TRRAP: variants seen among roughly 807,000 people sequenced by gnomAD.
The protein encoded by TRRAP is transformation/transcription domain associated protein.
Under a neutral mutation model 438.8 loss-of-function variants are expected in TRRAP, and 41 were observed. The ratio of observed to expected loss-of-function variants is 0.09; its 90% confidence interval spans 0.07 to 0.12. The LOEUF (loss-of-function observed/expected upper bound fraction) is 0.12, where lower values mean the gene tolerates loss of function less well. Ranked by LOEUF, TRRAP falls within the 10% of genes least tolerant of loss-of-function variation. TRRAP has a pLI of 1.00. For synonymous variants in TRRAP, 1,994 were observed against 1,962.9 expected, an observed-to-expected ratio of 1.02 and a Z score of -0.42; for missense variants, 3,122 against 5,055.1, an observed-to-expected ratio of 0.62 and a Z score of 11.60.
At chr7:98,930,328 G>T in intron 24 of TRRAP, 122 bp downstream of exon 24, 2 of 1,279,442 alleles carry the variant, frequency 1.6e-6, no homozygotes, top group Non-Finnish European at 2.1e-6. Flanking sequence ...TGTAATCCCA[G>T]CACTTTGAGA....
At chr7:99,000,762 C>G (rs999244201) in intron 67 of TRRAP, among the ~76,000 whole-genome samples, 1 of 152,194 alleles carries the variant, frequency 6.6e-6, no homozygotes, top group Non-Finnish European at 1.5e-5. Flanking sequence ...ACACCTTTCC[C>G]TTCCTCATCA....
At chr7:98,997,118 C>T (rs1167578839) in intron 67 of TRRAP, among the ~76,000 whole-genome samples, 3 of 151,814 alleles carry the variant, frequency 2.0e-5, no homozygotes, top group Non-Finnish European at 4.4e-5. Flanking sequence ...CCAGCCTGAC[C>T]AACATGGTGA....
chr7:98,892,643 T>A, intron 5 of TRRAP, 115 bp downstream of exon 5: 2 of 866,804 alleles, frequency 2.3e-6, no homozygotes, highest in Non-Finnish European at 3.5e-6. Context: ...AAATTCCAAG[T>A]CACATGAGTA....
chr7:98,981,562 G>A (rs1011957238), intron 58 of TRRAP, among the ~76,000 whole-genome samples: 2 of 152,150 alleles, frequency 1.3e-5, no homozygotes, highest in Non-Finnish European at 2.9e-5. Context: ...GAGATTGGCC[G>A]CTCACTGGAA....
chr7:98,957,597 C>T (rs575448116), intron 43 of TRRAP, among the ~76,000 whole-genome samples: 1 of 152,330 alleles, frequency 6.6e-6, no homozygotes, highest in South Asian at 2.1e-4. Flanking sequence ...CATCCCTCTG[C>T]TCTCAATGCA....
rs1267428319 is a variant in TRRAP, at chr7:98,933,258, C to T, written c.3870C>T (p.Val1290=). ...EPHKEVLQDM[V]PPKKHLLRHQ... is the part of the protein sequence containing the mutation. ...TTCCCCAGGTCCTGCAGGATATGGT[C>T]CCCCCTAAGAAGCACCTGCTCCGAC... Residue 1290 remains valine, a synonymous_variant, in exon 27 of 73, where the codon GTC becomes GTT. Coordinates refer to ENST00000456197, the MANE Select transcript of TRRAP (RefSeq NM_001375524.1). 1.2e-6 allele frequency: 2 copies of T among 1,612,924 alleles called. No homozygotes were observed. The highest frequency in any genetic ancestry group is 1.7e-6 in the Non-Finnish European group (2 of 1,179,594).
At position 98,970,299 on chromosome 7, in the gene TRRAP, C is replaced by T; in HGVS notation, c.7692+8C>T. The T allele has an allele frequency of 6.2e-7, 1 of 1,610,404 alleles. No homozygotes were observed. Reference sequence around the variant, plus strand: ...AGCGAGTCCAAAGAGGAGGTGAGGCCCTGCACCCCACAGGCAGAATCCCAG... The same window carrying T: ...AGCGAGTCCAAAGAGGAGGTGAGGCTCTGCACCCCACAGGCAGAATCCCAG... On this transcript the variant is annotated splice_region_variant and intron_variant, in intron 52 of 72. Coordinates refer to ENST00000456197, the MANE Select transcript of TRRAP (RefSeq NM_001375524.1).
chr7:98,885,857 A>C (rs1369827981), intron 3 of TRRAP, among the ~76,000 whole-genome samples: 5 of 152,234 alleles, frequency 3.3e-5, no homozygotes, highest in Non-Finnish European at 7.3e-5. Flanking sequence ...ACATACGGCT[A>C]TCTGGATTAA....
At chr7:98,952,799 G>C (rs868918472) in intron 39 of TRRAP, among the ~76,000 whole-genome samples, 15 of 152,122 alleles carry the variant, frequency 9.9e-5, no homozygotes, top group African/African-American at 2.2e-4. Flanking sequence ...AGCACTTTAC[G>C]TAAGATAAGG....
rs1562959030 is a variant in TRRAP at position 98,956,240 on chromosome 7, G to A, written c.6032G>A (p.Arg2011Gln). 6.2e-7 allele frequency: 1 copy of A among 1,614,094 alleles called. No homozygotes were observed. Among genetic ancestry groups the A allele is most frequent in the Non-Finnish European group, 8.5e-7 (1 of 1,180,040 alleles). ...CCCAGTGTCACCATCGAGCAGAGGC[G>A]GCTGGCCGTGGACCTGTCTGAAGTC... Reference protein sequence around the residue: ...FTPSVTIEQRRLAVDLSEVVI... With the variant: ...FTPSVTIEQRQLAVDLSEVVI... The change falls in exon 42 of 73, where the codon CGG (arginine) becomes CAG (glutamine). Residue 2011 changes from arginine to glutamine, a missense_variant. Arg to Gln is a conservative substitution (Grantham distance 43, BLOSUM62 1). Transcript: ENST00000456197. The surrounding 1 kb of genome is among the most constrained non-coding windows in gnomAD (Gnocchi z 4.5).
In TRRAP at chr7:98,949,776, G is replaced by C. The variant is rs782311270; in HGVS notation, c.5070G>C (p.Glu1690Asp). ...SENFQERHRK[E>D]NMAATNWKEP... ...ACTTCCAAGAGAGGCACCGCAAGGA[G>C]AACATGGCAGCCACCAACTGGAAGG... Residue 1690 changes from glutamate to aspartate, a missense_variant, in exon 37 of 73, where the codon GAG (glutamate) becomes GAC (aspartate). Physicochemically the swap from Glu to Asp is conservative, Grantham distance 45. Around this residue, in one of 24 missense-constraint regions of TRRAP, gnomAD observed 272 missense variants for 348.5 expected, o/e 0.78. Transcript: ENST00000456197. 6.2e-7 allele frequency: 1 copy of C among 1,613,740 alleles called. No individual in the cohort carries two copies. The highest frequency in any genetic ancestry group is 8.5e-7 in the Non-Finnish European group (1 of 1,180,054).
intron 63 of TRRAP, among the ~76,000 whole-genome samples, chr7:98,989,756 C>G (rs951301839): frequency 5.9e-5 from 9 of 152,204 alleles, no homozygotes; most frequent in African/African-American, 1.9e-4. Context: ...CTGTGGCCTA[C>G]CTGTTGCCGG....
Position 99,005,683 on chromosome 7 carries a change from C to CT in TRRAP, c.10753+346dup, listed in dbSNP as rs77596030. ...TTAGGACATTATGAGATTTCTTTTTCTTTTTTTTTTTCTTTTTTAGCTCAT... is the reference window on the plus strand; with the variant it reads ...TTAGGACATTATGAGATTTCTTTTTCTTTTTTTTTTTTCTTTTTTAGCTCAT... On this transcript the variant is annotated intron_variant, in intron 69 of 72. Coordinates refer to ENST00000456197, the MANE Select transcript of TRRAP (RefSeq NM_001375524.1). This position sits in a 1 kb window ranked among gnomAD's most constrained non-coding sequence, Gnocchi z 5.1. Among the ~76,000 whole-genome samples, 48 of 146,140 alleles carry CT rather than the reference C, an allele frequency of 3.3e-4. No homozygotes were observed. The highest frequency in any genetic ancestry group is 3.9e-4 in the East Asian group (2 of 5,090).
Position 98,908,714 on chromosome 7 carries a change from G to T in TRRAP, c.1116-14G>T, listed in dbSNP as rs1554407933. 2 of 1,543,286 alleles carry T rather than the reference G, an allele frequency of 1.3e-6. No individual in the cohort carries two copies. The highest frequency in any genetic ancestry group is 1.4e-5 in the African/African-American group (1 of 73,148). Reference sequence around the variant, plus strand: ...CACGTGGGAATGAGCACTAGTCGAGGTCTCTGCCCGCAGGCCCCTCGCCTA... The same window carrying T: ...CACGTGGGAATGAGCACTAGTCGAGTTCTCTGCCCGCAGGCCCCTCGCCTA... On this transcript the variant is annotated splice_polypyrimidine_tract_variant and intron_variant, in intron 13 of 72. Coordinates refer to ENST00000456197, the MANE Select transcript of TRRAP (RefSeq NM_001375524.1). This position sits in a 1 kb window ranked among gnomAD's most constrained non-coding sequence, Gnocchi z 4.1.
intron 53 of TRRAP, among the ~76,000 whole-genome samples, chr7:98,974,173 T>C (rs1287811881): frequency 6.6e-6 from 1 of 152,166 alleles, no homozygotes; most frequent in Non-Finnish European, 1.5e-5. Context: ...CAGCCAGGGC[T>C]GGTGGGGTTG....
chr7:99,008,709 G>C, intron 70 of TRRAP, 148 bp downstream of exon 70: 1 of 896,762 alleles, frequency 1.1e-6, no homozygotes, highest in Non-Finnish European at 1.7e-6. Context: ...AGACTCATGA[G>C]ATGGTGGAAA....
chr7:98,981,591 C>T (rs1021714679), intron 58 of TRRAP, among the ~76,000 whole-genome samples, 178 bp from the exon 59 acceptor site: 2 of 152,134 alleles, frequency 1.3e-5, no homozygotes, highest in South Asian at 4.2e-4. Flanking sequence ...AGGAGAGTAT[C>T]CAGAAAAGAC....
chr7:98,878,820 G>C (rs989151552), intron 1 of TRRAP, among the ~76,000 whole-genome samples, 183 bp downstream of exon 1: 1 of 152,088 alleles, frequency 6.6e-6, no homozygotes, highest in Non-Finnish European at 1.5e-5. Flanking sequence ...GTTTGCGGCC[G>C]AGCTGAGAGG....
Position 98,908,926 on chromosome 7 carries a change from T to C in TRRAP, c.1314T>C (p.Ser438=). ...TCCGTTCCAAGAGCGAGCAGGAGAG[T>C]GGCAATGGGAGAGACGTCCTGATGC... is the stretch of plus-strand genomic sequence containing the variant. ...DCIRSKSEQE[S]GNGRDVLMRM... Residue 438 remains serine, a synonymous_variant, in exon 14 of 73, where the codon AGT becomes AGC. Transcript: ENST00000456197. This position sits in a 1 kb window ranked among gnomAD's most constrained non-coding sequence, Gnocchi z 4.1. 1 of 1,613,454 alleles carries C rather than the reference T, an allele frequency of 6.2e-7. No homozygotes were observed.
Sources: gnomAD v4.1 joint callset for allele counts (sites outside exome capture counted in the v4.1 genomes callset) on GRCh38, gnomAD v4.1.1 for gene constraint, gnomAD v4.1.1 regional missense constraint, Gnocchi (gnomAD v3.1) non-coding constraint, MANE v1.5 for transcripts, NCBI Gene and HGNC (gene_info 2026-07-23, HGNC 2026-07-21) for gene names.